Variants in C1orf94 observed in about 807,000 individuals in gnomAD.
C1orf94 encodes the protein uncharacterized protein C1orf94.
A neutral mutation model predicts 53.6 loss-of-function variants in C1orf94; 45 were observed. The ratio of observed to expected loss-of-function variants is 0.84; its 90% confidence interval spans 0.66 to 1.08. The LOEUF is 1.08. Among genes scored for constraint, C1orf94 ranks in the 50% least tolerant of loss-of-function variants. C1orf94 has a pLI of 0.00. For missense variants in C1orf94, 762 were observed against 738.9 expected, an observed-to-expected ratio of 1.03 and a Z score of -0.36; for synonymous variants, 304 against 296.1, an observed-to-expected ratio of 1.03 and a Z score of -0.27.
chr1:34,193,814 A>G (rs1456328504), intron 1 of C1orf94, among the ~76,000 whole-genome samples: 1 of 152,252 alleles, frequency 6.6e-6, no homozygotes, highest in Non-Finnish European at 1.5e-5. Context: ...GAGGCTGGCA[A>G]GAGAAGAATG....
At chr1:34,185,242 C>T (rs1457856673) in intron 1 of C1orf94, among the ~76,000 whole-genome samples, 4 of 152,072 alleles carry the variant, frequency 2.6e-5, no homozygotes, top group East Asian at 1.9e-4. Context: ...TGCAGTGGCG[C>T]GATCTTGGCT....
intron 1 of C1orf94, among the ~76,000 whole-genome samples, chr1:34,190,922 G>T (rs141637396): frequency 4.5e-4 from 69 of 152,296 alleles, no homozygotes; most frequent in Middle Eastern, 3.4e-3. Context: ...ATTTGGGTTG[G>T]GTTCAGCTGG....
intron 1 of C1orf94, among the ~76,000 whole-genome samples, chr1:34,179,076 C>T (rs569610524): frequency 3.9e-5 from 6 of 152,358 alleles, no homozygotes; most frequent in African/African-American, 1.2e-4. Flanking sequence ...GCCATTCAGG[C>T]ATTTATCAGC....
intron 1 of C1orf94, among the ~76,000 whole-genome samples, chr1:34,187,294 C>A (rs900140566): frequency 3.3e-5 from 5 of 152,092 alleles, no homozygotes; most frequent in Admixed American, 6.6e-5. Flanking sequence ...GGAAGCAGAG[C>A]ACGGATAAGA....
At chr1:34,178,263 G>C (rs1178890539) in intron 1 of C1orf94, among the ~76,000 whole-genome samples, 154 bp downstream of exon 1, 1 of 152,178 alleles carries the variant, frequency 6.6e-6, no homozygotes, top group Non-Finnish European at 1.5e-5. Context: ...CTTTATAGAA[G>C]AGCTGACCAA....
chr1:34,217,827 A>T (rs756443791), intron 6 of C1orf94, among the ~76,000 whole-genome samples: 1 of 152,234 alleles, frequency 6.6e-6, no homozygotes, highest in Non-Finnish European at 1.5e-5. Flanking sequence ...CCCAGCTGAA[A>T]AGTGATTGAG....
chr1:34,186,379 A>T (rs1012767160), intron 1 of C1orf94, among the ~76,000 whole-genome samples: 1 of 152,268 alleles, frequency 6.6e-6, no homozygotes, highest in Non-Finnish European at 1.5e-5. Context: ...GTTCATCATC[A>T]TCATCACCAT....
intron 4 of C1orf94, among the ~76,000 whole-genome samples, chr1:34,204,443 G>A (rs1642762239): frequency 6.6e-6 from 1 of 152,140 alleles, no homozygotes; most frequent in African/African-American, 2.4e-5. Flanking sequence ...TAAGAAGGAA[G>A]CTGAAGTGGA....
intron 1 of C1orf94, among the ~76,000 whole-genome samples, chr1:34,168,890 G>A (rs72667780): frequency 0.021 from 3,179 of 152,122 alleles, 61 homozygotes; most frequent in Non-Finnish European, 0.032. Context: ...TATGAATTTG[G>A]GTGGGGGGGC....
At chr1:34,187,356 G>A (rs538789598) in intron 1 of C1orf94, among the ~76,000 whole-genome samples, 4 of 152,186 alleles carry the variant, frequency 2.6e-5, no homozygotes, top group African/African-American at 9.6e-5. Flanking sequence ...GGGCCCTTCC[G>A]AATAGCCCTT....
chr1:34,191,860 C>A (rs1012977063), intron 1 of C1orf94, among the ~76,000 whole-genome samples: 3 of 152,152 alleles, frequency 2.0e-5, no homozygotes, highest in East Asian at 1.9e-4. Flanking sequence ...GGGTGCCAAC[C>A]AGTCAATAGC....
At position 34,218,853 on chromosome 1, in the gene C1orf94, G is replaced by A; in HGVS notation, c.*92G>A. ...CTGCAAAAGCTTGGTATGAAGTTTG[G>A]AAAAGCAAGGTTCTGACCAGGTCAC... On this transcript the variant is annotated 3_prime_UTR_variant, in exon 7 of 7. Coordinates refer to ENST00000488417, the MANE Select transcript of C1orf94 (RefSeq NM_001134734.2). The A allele has an allele frequency of 1.7e-6, 2 of 1,193,040 alleles. No homozygotes were observed. Among genetic ancestry groups the A allele is most frequent in the Non-Finnish European group, 2.4e-6 (2 of 845,664 alleles). 73.9% of individuals were successfully genotyped at this position (1,193,040 alleles called of 1,614,324 possible).
intron 1 of C1orf94, among the ~76,000 whole-genome samples, chr1:34,184,445 A>C (rs1350532773): frequency 1.3e-5 from 2 of 152,216 alleles, no homozygotes; most frequent in Non-Finnish European, 2.9e-5. Flanking sequence ...CTGTCATAAC[A>C]AACTTGGTCT....
At chr1:34,216,951 A>G (rs1241550150) in intron 6 of C1orf94, among the ~76,000 whole-genome samples, 1 of 152,148 alleles carries the variant, frequency 6.6e-6, no homozygotes, top group Non-Finnish European at 1.5e-5. Flanking sequence ...GTGATGGTGC[A>G]CACATGTAGT....
rs757850303 is a variant in C1orf94, at chr1:34,178,250, A to G, written c.320+141A>G. On this transcript the variant is annotated intron_variant, in intron 1 of 6. Coordinates refer to ENST00000488417, the MANE Select transcript of C1orf94 (RefSeq NM_001134734.2). ...TTGCCCCCTCCATGGTCCTTTGTCC[A>G]AGCTTTATAGAAGAGCTGACCAAAG... is the stretch of plus-strand genomic sequence containing the variant. 5 of 938,224 alleles carry G rather than the reference A, an allele frequency of 5.3e-6. No homozygotes were observed. In the South Asian group the frequency reaches 9.1e-5, roughly 17 times the overall value. 58.1% of individuals were successfully genotyped at this position (938,224 alleles called of 1,614,324 possible). A position where few individuals can be genotyped will look rare whatever the true frequency, so the allele number is the denominator to read the frequency against.
chr1:34,196,370 C>G (rs777568922), intron 1 of C1orf94, among the ~76,000 whole-genome samples: 23 of 152,156 alleles, frequency 1.5e-4, no homozygotes, highest in Non-Finnish European at 2.9e-4. Context: ...CAGGAAGATC[C>G]TGGTGAATCA....
At chr1:34,190,257 A>G (rs1642461245) in intron 1 of C1orf94, among the ~76,000 whole-genome samples, 1 of 152,152 alleles carries the variant, frequency 6.6e-6, no homozygotes, top group Non-Finnish European at 1.5e-5. Context: ...CCTGGGAGAA[A>G]TAACCCTCAC....
chr1:34,197,986 G>A lies in C1orf94; in HGVS notation c.1009+73G>A, dbSNP rs142369836. Reference sequence around the variant, plus strand: ...CCTTCCCAGGAAGCCAATCAGGGCTGCAGCATGTACATAAAGCATCTTCAT... The same window carrying A: ...CCTTCCCAGGAAGCCAATCAGGGCTACAGCATGTACATAAAGCATCTTCAT... On this transcript the variant is annotated intron_variant, in intron 2 of 6. Transcript: ENST00000488417. The surrounding 1 kb of genome is among the most constrained non-coding windows in gnomAD (Gnocchi z 4.1). 2 of 1,416,788 alleles carry A rather than the reference G, an allele frequency of 1.4e-6. No homozygotes were observed. The highest frequency in any genetic ancestry group is 1.9e-6 in the Non-Finnish European group (2 of 1,044,756). The allele number at this position is 1,416,788 out of a possible 1,614,324, so 87.8% of individuals were successfully genotyped here. A position where few individuals can be genotyped will look rare whatever the true frequency, so the allele number is the denominator to read the frequency against.
chr1:34,218,214 C>T (rs530017596), intron 6 of C1orf94, among the ~76,000 whole-genome samples: 1 of 152,122 alleles, frequency 6.6e-6, no homozygotes, highest in Non-Finnish European at 1.5e-5. Flanking sequence ...TAGCTTAGTG[C>T]TGGAAGGGGA....
Sources: gnomAD v4.1 joint callset for allele counts (sites outside exome capture counted in the v4.1 genomes callset) on GRCh38, gnomAD v4.1.1 for gene constraint, Gnocchi (gnomAD v3.1) non-coding constraint, MANE v1.5 for transcripts, NCBI Gene and HGNC (gene_info 2026-07-23, HGNC 2026-07-21) for gene names.